The following SLC35F3 variants were observed in gnomAD, a reference collection of about 807,000 sequenced individuals.
SLC35F3 encodes the protein solute carrier family 35 member F3.
Under a neutral mutation model 49.9 loss-of-function variants are expected in SLC35F3, and 25 were observed. That is an observed-to-expected ratio of 0.50 (90% CI 0.37 to 0.70). SLC35F3 has a LOEUF of 0.70. Ranked by LOEUF, SLC35F3 falls within the 30% of genes least tolerant of loss-of-function variation. SLC35F3 has a pLI of 0.00. For missense variants in SLC35F3, 525 were observed against 639.8 expected, an observed-to-expected ratio of 0.82 and a Z score of 1.94; for synonymous variants, 275 against 265.4, an observed-to-expected ratio of 1.04 and a Z score of -0.35.
At chr1:234,176,689 A>G (rs1053928547) in intron 2 of SLC35F3, among the ~76,000 whole-genome samples, 1 of 151,942 alleles carries the variant, frequency 6.6e-6, no homozygotes, top group Admixed American at 6.6e-5. Context: ...CAGAACCACC[A>G]TGGCTCCATC....
At chr1:234,232,447 G>A (rs1000149460) in intron 3 of SLC35F3, among the ~76,000 whole-genome samples, 9 of 132,720 alleles carry the variant, frequency 6.8e-5, no homozygotes, top group South Asian at 2.4e-4. Flanking sequence ...TGCCAATTAA[G>A]AGCATCTCGT....
chr1:234,114,097 A>G (rs1414966830), intron 2 of SLC35F3, among the ~76,000 whole-genome samples: 1 of 152,226 alleles, frequency 6.6e-6, no homozygotes, highest in Non-Finnish European at 1.5e-5. Flanking sequence ...CCAGTGTGAC[A>G]TCACAGACTG....
At chr1:234,199,247 GA>G (rs370533027) in intron 2 of SLC35F3, among the ~76,000 whole-genome samples, 17 of 150,896 alleles carry the variant, frequency 1.1e-4, no homozygotes, top group Admixed American at 2.0e-4. Flanking sequence ...AAAACGAAAA[GA>G]AAAAAAACAA....
chr1:234,080,958 GTAATATT>G (rs1664866543), intron 2 of SLC35F3, among the ~76,000 whole-genome samples: 1 of 152,164 alleles, frequency 6.6e-6, no homozygotes, highest in Admixed American at 6.5e-5. Flanking sequence ...ACCCTTCAAA[GTAATATT>G]TAATTCTTTT....
At chr1:234,086,737 TCTC>T (rs1013804127) in intron 2 of SLC35F3, among the ~76,000 whole-genome samples, 1 of 152,064 alleles carries the variant, frequency 6.6e-6, no homozygotes, top group Non-Finnish European at 1.5e-5. Context: ...TGCTAGAAAA[TCTC>T]CTCACATGCA....
intron 2 of SLC35F3, among the ~76,000 whole-genome samples, chr1:233,993,642 A>G (rs554259007): frequency 1.3e-5 from 2 of 152,294 alleles, no homozygotes; most frequent in South Asian, 4.1e-4. Flanking sequence ...CGATGCATCT[A>G]AGATCACACG....
intron 2 of SLC35F3, among the ~76,000 whole-genome samples, chr1:234,003,109 A>G (rs1270333242): frequency 6.6e-6 from 1 of 152,218 alleles, no homozygotes; most frequent in African/African-American, 2.4e-5. Flanking sequence ...CATTTCTCCA[A>G]GAAGCCCTGG....
At chr1:234,120,393 G>C (rs1465809583) in intron 2 of SLC35F3, among the ~76,000 whole-genome samples, 3 of 152,204 alleles carry the variant, frequency 2.0e-5, no homozygotes, top group Non-Finnish European at 4.4e-5. Flanking sequence ...GCTAGCATTT[G>C]CTGGGCATCT....
rs149099051 is a variant in SLC35F3 at position 234,050,951 on chromosome 1, T to A, written c.283+145193T>A. On this transcript the variant is annotated intron_variant, in intron 2 of 7. Transcript: ENST00000366618. ...TTGTCAAAGATCACATGGTTGTAGATGTGTGGTATTATTTCTGAAGGCTCT... is the reference window on the plus strand; with the variant it reads ...TTGTCAAAGATCACATGGTTGTAGAAGTGTGGTATTATTTCTGAAGGCTCT... Among the ~76,000 whole-genome samples, 757 of 152,322 alleles carry A rather than the reference T, an allele frequency of 5.0e-3. 2 individuals are homozygous for A. The highest frequency in any genetic ancestry group is 9.1e-3 in the Non-Finnish European group (619 of 68,026).
At chr1:234,063,448 C>T (rs573125491) in intron 2 of SLC35F3, among the ~76,000 whole-genome samples, 1 of 152,242 alleles carries the variant, frequency 6.6e-6, no homozygotes, top group South Asian at 2.1e-4. Flanking sequence ...TAAATGGGTA[C>T]AGGTGCTGGG....
At chr1:234,221,198 G>A (rs1667199495) in intron 2 of SLC35F3, among the ~76,000 whole-genome samples, 1 of 152,108 alleles carries the variant, frequency 6.6e-6, no homozygotes, top group African/African-American at 2.4e-5. Context: ...TGCAAGGGTG[G>A]GTGGGGGCAT....
chr1:234,129,401 T>G (rs1665699648), intron 2 of SLC35F3, among the ~76,000 whole-genome samples: 1 of 152,182 alleles, frequency 6.6e-6, no homozygotes, highest in South Asian at 2.1e-4. Flanking sequence ...TACTTCTTGA[T>G]GAGAACTACA....
chr1:233,967,113 A>G (rs1226978994), intron 2 of SLC35F3, among the ~76,000 whole-genome samples: 2 of 152,228 alleles, frequency 1.3e-5, no homozygotes, highest in Non-Finnish European at 2.9e-5. Context: ...GTATAATTCT[A>G]TGTCAAATAT....
chr1:234,190,434 A>G (rs530296115), intron 2 of SLC35F3, among the ~76,000 whole-genome samples: 2 of 152,244 alleles, frequency 1.3e-5, no homozygotes, highest in Non-Finnish European at 2.9e-5. Flanking sequence ...TATATCAGAC[A>G]AAACAAACTT....
At chr1:233,964,613 C>T (rs12116577) in intron 2 of SLC35F3, among the ~76,000 whole-genome samples, 21,191 of 152,190 alleles carry the variant, frequency 0.14, 1,828 homozygotes, top group Admixed American at 0.23. Context: ...CGAAGGCATG[C>T]GAGGAGCCAA....
intron 2 of SLC35F3, among the ~76,000 whole-genome samples, chr1:234,179,535 C>T (rs1666527030): frequency 6.6e-6 from 1 of 152,168 alleles, no homozygotes; most frequent in African/African-American, 2.4e-5. Context: ...TTTATTATCT[C>T]AAACATTTAT....
chr1:234,095,579 A>G (rs1013999517), intron 2 of SLC35F3, among the ~76,000 whole-genome samples: 1 of 152,220 alleles, frequency 6.6e-6, no homozygotes, highest in African/African-American at 2.4e-5. Flanking sequence ...AACTTTTTAG[A>G]GTTCCTGATA....
intron 3 of SLC35F3, among the ~76,000 whole-genome samples, chr1:234,279,740 G>GA (rs927681793): frequency 6.6e-6 from 1 of 152,214 alleles, no homozygotes; most frequent in Non-Finnish European, 1.5e-5. Context: ...GTCTAGAATA[G>GA]AAAAAATGAT....
chr1:234,002,432 C>T (rs1354373445), intron 2 of SLC35F3, among the ~76,000 whole-genome samples: 1 of 152,084 alleles, frequency 6.6e-6, no homozygotes, highest in Non-Finnish European at 1.5e-5. Context: ...TTTTGAAGAC[C>T]TGGAAAGTTT....
Sources: gnomAD v4.1 joint callset for allele counts (sites outside exome capture counted in the v4.1 genomes callset) on GRCh38, gnomAD v4.1.1 for gene constraint, MANE v1.5 for transcripts, NCBI Gene and HGNC (gene_info 2026-07-23, HGNC 2026-07-21) for gene names.